Variants in HDAC4 observed in about 807,000 individuals in gnomAD.
HDAC4 encodes the protein histone deacetylase 4, also known as histone deacetylase A.
HDAC4 carries 16 observed loss-of-function variants against 135.1 expected under a neutral mutation model. That is an observed-to-expected ratio of 0.12 (90% CI 0.08 to 0.18). The LOEUF (loss-of-function observed/expected upper bound fraction) is 0.18. Ranked by LOEUF, HDAC4 falls within the 10% of genes least tolerant of loss-of-function variation. HDAC4 has a pLI of 1.00. For missense variants in HDAC4, 1,143 were observed against 1,511.8 expected (o/e 0.76, Z 4.05); for synonymous variants, 685 against 653.4 (o/e 1.05, Z -0.74).
intron 18 of HDAC4, among the ~76,000 whole-genome samples, chr2:239,089,253 C>T (rs555439660): frequency 3.9e-5 from 6 of 152,312 alleles, no homozygotes; most frequent in East Asian, 1.9e-4. Context: ...CCAAGAATGA[C>T]GCCGGGCAGG....
intron 1 of HDAC4, among the ~76,000 whole-genome samples, chr2:239,354,892 C>CA (rs576893380): frequency 5.2e-4 from 79 of 152,146 alleles, no homozygotes; most frequent in African/African-American, 1.9e-3. Context: ...ATCCTTCACA[C>CA]AAAAAAACAC....
intron 7 of HDAC4, among the ~76,000 whole-genome samples, chr2:239,151,507 G>A (rs2042116704): frequency 6.6e-6 from 1 of 152,244 alleles, no homozygotes; most frequent in Admixed American, 6.5e-5. Flanking sequence ...GGTTTCAGAA[G>A]GCCCCAGGTG....
intron 4 of HDAC4, among the ~76,000 whole-genome samples, chr2:239,180,277 A>C (rs2044061968): frequency 6.6e-6 from 1 of 152,126 alleles, no homozygotes; most frequent in Admixed American, 6.5e-5. Context: ...TCCAGCCTGC[A>C]AAAACAGCCT....
intron 2 of HDAC4, among the ~76,000 whole-genome samples, chr2:239,344,486 A>G (rs1373642278): frequency 6.6e-6 from 1 of 152,188 alleles, no homozygotes; most frequent in Non-Finnish European, 1.5e-5. Context: ...GCTCTTCATA[A>G]TGACTGAGTA....
chr2:239,236,216 C>A (rs1269208035), intron 3 of HDAC4, among the ~76,000 whole-genome samples: 1 of 152,236 alleles, frequency 6.6e-6, no homozygotes, highest in African/African-American at 2.4e-5. Context: ...TGTCCACGGT[C>A]ACGTGGCCAG....
At chr2:239,071,392 C>T (rs2034186673) in intron 22 of HDAC4, among the ~76,000 whole-genome samples, 1 of 152,028 alleles carries the variant, frequency 6.6e-6, no homozygotes, top group Non-Finnish European at 1.5e-5. Flanking sequence ...TCCGGCCTGG[C>T]TGATAAGAGC....
In HDAC4 at chr2:239,078,871, T is replaced by C. The variant is rs189453207; in HGVS notation, c.2750+2224A>G. ...AGGGTGGCTCCATCAAAACCTGGCC[T>C]GGGACCACTGACCTGAAAGAGGGCA... On this transcript the variant is annotated intron_variant, in intron 22 of 26. Coordinates refer to ENST00000543185, the MANE Select transcript of HDAC4 (RefSeq NM_001378414.1). Among the ~76,000 whole-genome samples the C allele has an allele frequency of 1.7e-3, 260 of 152,234 alleles. 1 individual carries two copies. Among genetic ancestry groups the C allele is most frequent in the African/African-American group, 5.5e-3 (230 of 41,540 alleles).
chr2:239,136,572 C>T (rs1269868668), intron 9 of HDAC4, among the ~76,000 whole-genome samples: 4 of 152,144 alleles, frequency 2.6e-5, no homozygotes, highest in African/African-American at 9.7e-5. Flanking sequence ...TTCTGCACAG[C>T]AAAGGAAGAG....
chr2:239,377,399 C>A (rs1695087249), intron 1 of HDAC4, among the ~76,000 whole-genome samples: 1 of 152,212 alleles, frequency 6.6e-6, no homozygotes. Flanking sequence ...GAGGCCTGCT[C>A]CAGGCTGCAA....
chr2:239,266,549 C>A (rs1357310878), intron 2 of HDAC4, among the ~76,000 whole-genome samples: 1 of 152,194 alleles, frequency 6.6e-6, no homozygotes, highest in African/African-American at 2.4e-5. Context: ...AGGCAAGAGT[C>A]CACGATTTCA....
rs367767376 is a variant in HDAC4, at chr2:239,079,853, CAT to C, written c.2750+1240_2750+1241del. On this transcript the variant is annotated intron_variant, in intron 22 of 26. Transcript: ENST00000543185. Reference sequence around the variant, plus strand: ...ACACACAGCGATATACACACAAAGACATGTGCATGCAAAGACAAGCACATGGG... The same window carrying C: ...ACACACAGCGATATACACACAAAGACGTGCATGCAAAGACAAGCACATGGG... 3.6e-3 allele frequency among the ~76,000 whole-genome samples: 547 copies of C among 152,182 alleles called. 6 individuals carry two copies. The highest frequency in any genetic ancestry group is 0.012 in the African/African-American group (517 of 41,528).
chr2:239,351,106 G>C (rs1276284176), intron 2 of HDAC4, among the ~76,000 whole-genome samples: 1 of 152,202 alleles, frequency 6.6e-6, no homozygotes, highest in East Asian at 1.9e-4. Flanking sequence ...GAGGCTTCTG[G>C]AGCAATTTGA....
intron 1 of HDAC4, among the ~76,000 whole-genome samples, chr2:239,367,542 A>G (rs991253553): frequency 5.3e-5 from 8 of 152,164 alleles, no homozygotes; most frequent in Non-Finnish European, 1.2e-4. Context: ...AAAATCTGAA[A>G]TTTTCTGAGC....
At chr2:239,094,981 CA>C in intron 17 of HDAC4, 28 bp downstream of exon 17, 1 of 1,613,674 alleles carries the variant, frequency 6.2e-7, no homozygotes, top group Non-Finnish European at 8.5e-7. Context: ...AGAAACAGGA[CA>C]TTATTTACAC....
intron 1 of HDAC4, among the ~76,000 whole-genome samples, chr2:239,395,472 ATT>A (rs1011974447): frequency 6.6e-6 from 1 of 152,242 alleles, no homozygotes; most frequent in African/African-American, 2.4e-5. Flanking sequence ...TGCAAAGCAT[ATT>A]TATCAACTTG....
intron 24 of HDAC4, among the ~76,000 whole-genome samples, chr2:239,062,629 C>T (rs759368902): frequency 9.9e-5 from 15 of 152,208 alleles, no homozygotes; most frequent in East Asian, 1.9e-4. Context: ...CATAAGGCTT[C>T]GGGATGGTAG....
chr2:239,387,424 C>T (rs1189194590), intron 1 of HDAC4, among the ~76,000 whole-genome samples: 1 of 152,178 alleles, frequency 6.6e-6, no homozygotes, highest in Non-Finnish European at 1.5e-5. Context: ...GAGCCTCCCA[C>T]CCCTTACTTT....
chr2:239,130,702 C>T (rs1055267642), intron 11 of HDAC4, among the ~76,000 whole-genome samples: 11 of 152,218 alleles, frequency 7.2e-5, no homozygotes, highest in Admixed American at 5.2e-4. Flanking sequence ...GCCACTGCTC[C>T]GGGAAGCCTT....
rs567813209 is a variant in HDAC4 at position 239,354,936 on chromosome 2, A to T, written c.-219-2018T>A. 4.6e-5 allele frequency among the ~76,000 whole-genome samples: 7 copies of T among 152,266 alleles called. No homozygotes were observed. In the East Asian group the frequency reaches 1.4e-3, roughly 29 times the overall value. ...TGGGTATAAAAATCTTAGATCACAA[A>T]TATGCCCCCCTCAAAATTTTTGGAT... On this transcript the variant is annotated intron_variant, in intron 1 of 26. Transcript: ENST00000543185.
Sources: allele counts gnomAD v4.1 joint callset (sites outside exome capture counted in the v4.1 genomes callset), GRCh38; gene constraint gnomAD v4.1.1; transcripts MANE v1.5; gene names NCBI Gene and HGNC (gene_info 2026-07-23, HGNC 2026-07-21).